FANCA: variants seen among roughly 807,000 people sequenced by gnomAD.
FANCA encodes Fanconi anemia group A protein.
FANCA carries 236 observed loss-of-function variants against 194.3 expected under a neutral mutation model. That is an observed-to-expected ratio of 1.21 (90% CI 1.09 to 1.35). The LOEUF (loss-of-function observed/expected upper bound fraction) is 1.35, where lower values mean the gene tolerates loss of function less well. Ranked by LOEUF, FANCA falls within the 40% of genes most tolerant of loss-of-function variation. FANCA has a pLI of 0.00. For synonymous variants in FANCA, 1,014 were observed against 715.8 expected, an observed-to-expected ratio of 1.42 and a Z score of -6.65; for missense variants, 2,628 against 1,813.9, an observed-to-expected ratio of 1.45 and a Z score of -8.15.
intron 8 of FANCA, among the ~76,000 whole-genome samples, chr16:89,802,149 G>A (rs1462940438): frequency 1.3e-5 from 2 of 152,168 alleles, no homozygotes. Context: ...CTGTCACCCA[G>A]GCTAGAGTGC....
At chr16:89,772,028 C>G (rs1008247519) in intron 22 of FANCA, among the ~76,000 whole-genome samples, 5 of 152,176 alleles carry the variant, frequency 3.3e-5, no homozygotes, top group African/African-American at 4.8e-5. Flanking sequence ...GGGCCAGACG[C>G]CATCCACTAC....
At chr16:89,811,214 A>G in intron 3 of FANCA, 143 bp from the exon 4 acceptor site, 1 of 982,262 alleles carries the variant, frequency 1.0e-6, no homozygotes, top group South Asian at 1.4e-5. Flanking sequence ...ATGCAAAGGG[A>G]AAAACATGAG....
intron 1 of FANCA, chr16:89,816,243 G>C (rs895217245): frequency 2.1e-6 from 1 of 474,740 alleles, no homozygotes; most frequent in Non-Finnish European, 3.9e-6. Context: ...TGCGCTGAGG[G>C]GAGCCCCAGG....
intron 14 of FANCA, chr16:89,791,005 TTGTGTG>T (rs1287893743): frequency 1.8e-4 from 41 of 230,636 alleles, no homozygotes; most frequent in South Asian, 7.8e-4. Context: ...AGTTTTTGTT[TTGTGTG>T]TGTGTGTGTG....
intron 37 of FANCA, among the ~76,000 whole-genome samples, chr16:89,741,679 C>G (rs1161780127): frequency 6.6e-6 from 1 of 152,166 alleles, no homozygotes; most frequent in Non-Finnish European, 1.5e-5. Context: ...GCCTGGAATT[C>G]AAGAGCAGCC....
Position 89,770,600 on chromosome 16 carries a change from T to C in FANCA, c.2186A>G (p.Asn729Ser), listed in dbSNP as rs1440861257. The C allele has an allele frequency of 1.9e-6, 3 of 1,611,580 alleles. No homozygotes were observed. The African/African-American group carries it at 4.0e-5, about 22-fold the overall frequency. ...VDLLLTSFCQ[N>S]LMAASSVAPP... ...AGCGACACTGGAGGCAGCCATCAGG[T>C]TCTGACAGAAAGACGTCAGCAGGAG... Residue 729 changes from asparagine (N) to serine (S), a missense_variant, in exon 24 of 43, where the codon AAC becomes AGC. By Grantham distance (46) the Asn-to-Ser change is conservative. Coordinates refer to ENST00000389301, the MANE Select transcript of FANCA (RefSeq NM_000135.4).
chr16:89,791,775 CAAA>C, intron 13 of FANCA, 149 bp downstream of exon 13: 1 of 1,085,730 alleles, frequency 9.2e-7, no homozygotes, highest in Non-Finnish European at 1.4e-6. Context: ...AAGCGTCTGA[CAAA>C]GAATGTTCCA....
rs17225908 is a variant in FANCA, at chr16:89,805,719, G to T, written c.597-327C>A. Among the ~76,000 whole-genome samples, 2,122 of 151,694 alleles carry T rather than the reference G, an allele frequency of 0.014. 43 individuals are homozygous for T. Among genetic ancestry groups the T allele is most frequent in the South Asian group, 0.096 (460 of 4,800 alleles). On this transcript the variant is annotated intron_variant, in intron 6 of 42. Coordinates refer to ENST00000389301, the MANE Select transcript of FANCA (RefSeq NM_000135.4). ...CCAAAGTGCTGGGATGACTGGTGTG[G>T]CACTGTGCCCAGTCTCAAGTTATTT...
chr16:89,752,267 G>C (rs2038622371), intron 30 of FANCA, 45 bp from the exon 31 acceptor site: 1 of 1,505,238 alleles, frequency 6.6e-7, no homozygotes, highest in Non-Finnish European at 9.2e-7. Flanking sequence ...TCGCCTAATA[G>C]TGCTGAAGTT....
intron 12 of FANCA, 62 bp downstream of exon 12, chr16:89,792,409 T>C: frequency 6.6e-7 from 1 of 1,515,728 alleles, no homozygotes; most frequent in South Asian, 1.1e-5. Flanking sequence ...TGACAAGTAC[T>C]AGGCAGATCT....
rs375148599 is a variant in FANCA at position 89,778,857 on chromosome 16, G to T, written c.1777-7C>A. The T allele has an allele frequency of 1.1e-5, 18 of 1,613,830 alleles. No individual in the cohort carries two copies. Among genetic ancestry groups the T allele is most frequent in the Middle Eastern group, 3.3e-4 (2 of 6,084 alleles). On this transcript the variant is annotated splice_polypyrimidine_tract_variant and splice_region_variant and intron_variant, in intron 19 of 42. Transcript: ENST00000389301. ...AGTCAGGGACTTTGGGGAGCTGTGG[G>T]AAGAGAAGAGACCTGTGAGAGACTG...
intron 30 of FANCA, among the ~76,000 whole-genome samples, chr16:89,755,375 G>C (rs2038734207): frequency 6.6e-6 from 1 of 152,050 alleles, no homozygotes; most frequent in Admixed American, 6.6e-5. Flanking sequence ...CACCATGCCT[G>C]GCTAGTTTTT....
In FANCA at chr16:89,808,163, T is replaced by C. The variant is rs536387770; in HGVS notation, c.596+131A>G. 7 of 817,610 alleles carry C rather than the reference T, an allele frequency of 8.6e-6. No homozygotes were observed. In the African/African-American group the frequency reaches 1.0e-4, roughly 12 times the overall value. The allele number at this position is 817,610 out of a possible 1,614,324, so 50.6% of individuals were successfully genotyped here. Reference sequence around the variant, plus strand: ...GGTCTAGTCTAGTATAAATATGCAATGCAATCTAGTCTAGTACAAATTATA... The same window carrying C: ...GGTCTAGTCTAGTATAAATATGCAACGCAATCTAGTCTAGTACAAATTATA... On this transcript the variant is annotated intron_variant, in intron 6 of 42. Transcript: ENST00000389301.
chr16:89,816,576 C>G lies in FANCA; in HGVS notation c.40G>C (p.Asp14His). 3 of 1,524,658 alleles carry G rather than the reference C, an allele frequency of 2.0e-6. No homozygotes were observed. The highest frequency in any genetic ancestry group is 2.6e-6 in the Non-Finnish European group (3 of 1,144,120). 94.4% of individuals were successfully genotyped at this position (1,524,658 alleles called of 1,614,324 possible). A position where few individuals can be genotyped will look rare whatever the true frequency, so the allele number is the denominator to read the frequency against. Residue 14 changes from aspartate (D) to histidine (H), a missense_variant, in exon 1 of 43, where the codon GAC (aspartate) becomes CAC (histidine). Asp to His is a moderately conservative substitution (Grantham distance 81, BLOSUM62 -1). Transcript: ENST00000389301. ...CAGGCCCTCCGGCGGCCCCCTGGGTCCTGGCCCGAGGCGGAGTTCGGGACC... is the reference window on the plus strand; with the variant it reads ...CAGGCCCTCCGGCGGCCCCCTGGGTGCTGGCCCGAGGCGGAGTTCGGGACC... ...SWVPNSASGQDPGGRRRAWAE... is the reference protein window; with the variant it reads ...SWVPNSASGQHPGGRRRAWAE...
In FANCA at chr16:89,776,159, CTTTTTT is replaced by C. The variant is rs3069458; in HGVS notation, c.1827-350_1827-345del. On this transcript the variant is annotated intron_variant, in intron 20 of 42. Transcript: ENST00000389301. The stretch of plus-strand genomic sequence containing the variant: ...ATTCAAAACACGAATCTTTGTTTTT[CTTTTTT>C]TTTTTTTTTTTTTTTTTTTTGAGAC... Among the ~76,000 whole-genome samples, 356 of 93,304 alleles carry C rather than the reference CTTTTTT, an allele frequency of 3.8e-3. 5 individuals carry two copies. The highest frequency in any genetic ancestry group is 0.011 in the African/African-American group (296 of 26,720). The allele number at this position is 93,304 out of a possible 152,430, so 61.2% of individuals were successfully genotyped here.
In FANCA at chr16:89,816,619, C is replaced by T. The variant is rs543968869; in HGVS notation, c.-4G>A. 4.7e-5 allele frequency: 72 copies of T among 1,522,936 alleles called. 1 individual carries two copies. The African/African-American group carries it at 6.5e-4, about 14-fold the overall frequency. 94.3% of individuals were successfully genotyped at this position (1,522,936 alleles called of 1,614,324 possible). A position where few individuals can be genotyped will look rare whatever the true frequency, so the allele number is the denominator to read the frequency against. On this transcript the variant is annotated 5_prime_UTR_variant, in exon 1 of 43. Transcript: ENST00000389301. ...TCGGGACCCACGAGTCGGACATGGC[C>T]TTGGCGCCTACAGCCCCGGCGGCGG...
rs2041097987 is a variant in FANCA at position 89,815,928 on chromosome 16, T to C, written c.138A>G (p.Ser46=). The C allele has an allele frequency of 2.5e-6, 4 of 1,614,150 alleles. No homozygotes were observed. Among genetic ancestry groups the C allele is most frequent in the Non-Finnish European group, 2.5e-6 (3 of 1,179,984 alleles). The change falls in exon 2 of 43, where the codon TCA becomes TCG. Residue 46 remains serine (S), a synonymous_variant. Coordinates refer to ENST00000389301, the MANE Select transcript of FANCA (RefSeq NM_000135.4). ...NPERAQKLKE[S]AVRLLRSHQD... is the part of the protein sequence containing the mutation. Reference sequence around the variant, plus strand: ...GATGGCTTCGCAGGAGGCGCACAGCTGATTCCTTTAATTTCTGTGCCCTTT... The same window carrying C: ...GATGGCTTCGCAGGAGGCGCACAGCCGATTCCTTTAATTTCTGTGCCCTTT...
Position 89,776,027 on chromosome 16 carries a change from A to G in FANCA, c.1827-212T>C, listed in dbSNP as rs560697474. Reference sequence around the variant, plus strand: ...TCAAAATATATCATATTAATCATATATTAATATCTAAGGAGCTAGACCACA... The same window carrying G: ...TCAAAATATATCATATTAATCATATGTTAATATCTAAGGAGCTAGACCACA... On this transcript the variant is annotated intron_variant, in intron 20 of 42. Coordinates refer to ENST00000389301, the MANE Select transcript of FANCA (RefSeq NM_000135.4). Among the ~76,000 whole-genome samples the G allele has an allele frequency of 2.0e-5, 3 of 151,894 alleles. No individual in the cohort carries two copies. The East Asian group carries it at 5.8e-4, about 29-fold the overall frequency.
chr16:89,738,208 A>T lies in FANCA; in HGVS notation c.*393T>A. ...ACCTGGGCCACCGAGCCCCTCTGTGACCACAGAGGGCCAGGCGGTGAAGCC... is the reference window on the plus strand; with the variant it reads ...ACCTGGGCCACCGAGCCCCTCTGTGTCCACAGAGGGCCAGGCGGTGAAGCC... On this transcript the variant is annotated 3_prime_UTR_variant, in exon 43 of 43. Transcript: ENST00000389301. 2 of 1,610,874 alleles carry T rather than the reference A, an allele frequency of 1.2e-6. No individual in the cohort carries two copies. The highest frequency in any genetic ancestry group is 1.7e-6 in the Non-Finnish European group (2 of 1,178,982).
Sources: gnomAD v4.1 joint callset for allele counts (sites outside exome capture counted in the v4.1 genomes callset) on GRCh38, gnomAD v4.1.1 for gene constraint, MANE v1.5 for transcripts, NCBI Gene and HGNC (gene_info 2026-07-23, HGNC 2026-07-21) for gene names.